PTPRO: variants seen among roughly 807,000 people sequenced by gnomAD.
The protein encoded by PTPRO is receptor-type tyrosine-protein phosphatase O.
A neutral mutation model predicts 145.2 loss-of-function variants in PTPRO; 62 were observed. The ratio of observed to expected loss-of-function variants is 0.43; its 90% CI spans 0.35 to 0.53. The LOEUF (loss-of-function observed/expected upper bound fraction) is 0.53, where lower values mean the gene tolerates loss of function less well. Ranked by LOEUF, PTPRO falls within the 20% of genes least tolerant of loss-of-function variation. The pLI, the probability that PTPRO is intolerant of heterozygous loss-of-function variation, is 0.01. For missense variants in PTPRO, 1,345 were observed against 1,482.7 expected (o/e 0.91, Z 1.53); for synonymous variants, 565 against 514.7 (o/e 1.10, Z -1.32).
chr12:15,535,787 T>C (rs894298694), intron 12 of PTPRO, among the ~76,000 whole-genome samples: 3 of 152,242 alleles, frequency 2.0e-5, no homozygotes, highest in African/African-American at 7.2e-5. Flanking sequence ...TGACTTTCCG[T>C]TCCTCTTTGG....
intron 1 of PTPRO, among the ~76,000 whole-genome samples, chr12:15,414,414 T>C (rs1939887430): frequency 6.6e-6 from 1 of 152,238 alleles, no homozygotes; most frequent in Non-Finnish European, 1.5e-5. Context: ...CACAAATGTT[T>C]ATTAGTCAAT....
chr12:15,351,776 A>G (rs1231840849), intron 1 of PTPRO, among the ~76,000 whole-genome samples: 1 of 152,194 alleles, frequency 6.6e-6, no homozygotes, highest in Non-Finnish European at 1.5e-5. Flanking sequence ...CTGGTAACCT[A>G]TAGGGATTTA....
chr12:15,524,278 G>T (rs1227864480), intron 10 of PTPRO, among the ~76,000 whole-genome samples: 1 of 151,230 alleles, frequency 6.6e-6, no homozygotes, highest in Non-Finnish European at 1.5e-5. Flanking sequence ...CAAAAATAAT[G>T]TCTTGTTATT....
intron 1 of PTPRO, among the ~76,000 whole-genome samples, chr12:15,476,640 C>T (rs1414892536): frequency 6.6e-6 from 1 of 151,664 alleles, no homozygotes; most frequent in East Asian, 1.9e-4. Flanking sequence ...AGTCCTTGCC[C>T]ACGCCTATGT....
chr12:15,322,916 G>A lies in PTPRO; in HGVS notation c.75+115G>A. ...CCAGGGCACGATGGCCCAGCCGCGG[G>A]AAGCGCCTGCCGTGCAGCCTGGGCG... On this transcript the variant is annotated intron_variant, in intron 1 of 26. Coordinates refer to ENST00000281171, the MANE Select transcript of PTPRO (RefSeq NM_030667.3). The surrounding 1 kb of genome is among the most constrained non-coding windows in gnomAD (Gnocchi z 6.3). The A allele has an allele frequency of 9.7e-7, 1 of 1,034,304 alleles. No homozygotes were observed. Among genetic ancestry groups the A allele is most frequent in the South Asian group, 1.6e-5 (1 of 63,908 alleles). The allele number at this position is 1,034,304 out of a possible 1,614,324, so 64.1% of individuals were successfully genotyped here. A position where few individuals can be genotyped will look rare whatever the true frequency, so the allele number is the denominator to read the frequency against.
intron 1 of PTPRO, among the ~76,000 whole-genome samples, chr12:15,353,199 C>G (rs1054929719): frequency 6.6e-6 from 1 of 152,114 alleles, no homozygotes; most frequent in African/African-American, 2.4e-5. Flanking sequence ...CATACACCCA[C>G]CTACCCACTC....
intron 1 of PTPRO, among the ~76,000 whole-genome samples, chr12:15,427,781 G>A (rs913774809): frequency 3.3e-5 from 5 of 151,042 alleles, no homozygotes; most frequent in African/African-American, 1.2e-4. Context: ...TTGATCTTAG[G>A]TTATTTCTTT....
chr12:15,432,127 A>G (rs1237134623), intron 1 of PTPRO, among the ~76,000 whole-genome samples: 4 of 151,830 alleles, frequency 2.6e-5, no homozygotes, highest in African/African-American at 9.7e-5. Context: ...CCCATTTGTT[A>G]TTTTTCCTGA....
intron 18 of PTPRO, among the ~76,000 whole-genome samples, chr12:15,567,493 G>A (rs1345338498): frequency 6.6e-6 from 1 of 151,432 alleles, no homozygotes; most frequent in African/African-American, 2.4e-5. Context: ...TCTTCTGTTT[G>A]CTATTCCTTC....
chr12:15,376,510 T>C (rs1393812195), intron 1 of PTPRO, among the ~76,000 whole-genome samples: 1 of 152,210 alleles, frequency 6.6e-6, no homozygotes, highest in Non-Finnish European at 1.5e-5. Context: ...ATTCACGTGA[T>C]GAAATACAGA....
intron 1 of PTPRO, among the ~76,000 whole-genome samples, chr12:15,467,633 A>C (rs1329765106): frequency 6.6e-6 from 1 of 152,144 alleles, no homozygotes; most frequent in Non-Finnish European, 1.5e-5. Flanking sequence ...AACCAGAGGG[A>C]CCTTCCTGCC....
At chr12:15,462,188 A>G (rs253808) in intron 1 of PTPRO, among the ~76,000 whole-genome samples, 140,808 of 152,100 alleles carry the variant, frequency 0.93, 65,970 homozygotes, top group East Asian at 1. Context: ...GCAATGGTGC[A>G]ATCTTGGCTC....
chr12:15,406,082 C>T (rs1438492599), intron 1 of PTPRO, among the ~76,000 whole-genome samples: 1 of 151,996 alleles, frequency 6.6e-6, no homozygotes, highest in South Asian at 2.1e-4. Flanking sequence ...TGTCTTTGGC[C>T]TACCATCCCA....
chr12:15,385,606 G>A (rs1938998876), intron 1 of PTPRO, among the ~76,000 whole-genome samples: 1 of 152,104 alleles, frequency 6.6e-6, no homozygotes, highest in African/African-American at 2.4e-5. Flanking sequence ...GAGGTCAGGA[G>A]ATCGAGACCA....
chr12:15,482,082 A>G (rs1941789738), intron 1 of PTPRO, among the ~76,000 whole-genome samples: 1 of 152,122 alleles, frequency 6.6e-6, no homozygotes. Context: ...TACTCTTCAC[A>G]GGAGGCAAGA....
intron 2 of PTPRO, among the ~76,000 whole-genome samples, chr12:15,485,852 G>A (rs1941875011): frequency 6.6e-6 from 1 of 152,114 alleles, no homozygotes; most frequent in Non-Finnish European, 1.5e-5. Flanking sequence ...CAAGTGTGTT[G>A]AATATCCAAA....
intron 1 of PTPRO, among the ~76,000 whole-genome samples, chr12:15,350,232 C>T (rs1937755136): frequency 6.6e-6 from 1 of 152,158 alleles, no homozygotes. Context: ...CAGCCTAACA[C>T]CAACGCTGAC....
intron 6 of PTPRO, among the ~76,000 whole-genome samples, chr12:15,507,095 G>A (rs1942335591): frequency 6.6e-6 from 1 of 152,050 alleles, no homozygotes; most frequent in Non-Finnish European, 1.5e-5. Context: ...TTTAATAAAA[G>A]TACTTATTTC....
intron 1 of PTPRO, among the ~76,000 whole-genome samples, chr12:15,338,210 T>C (rs1294670238): frequency 1.3e-5 from 2 of 152,216 alleles, no homozygotes; most frequent in Non-Finnish European, 1.5e-5. Flanking sequence ...CAACTTCGTA[T>C]AAATCTGTAG....
Sources: allele counts gnomAD v4.1 joint callset (sites outside exome capture counted in the v4.1 genomes callset), GRCh38; gene constraint gnomAD v4.1.1; non-coding constraint Gnocchi (gnomAD v3.1); transcripts MANE v1.5; gene names NCBI Gene and HGNC (gene_info 2026-07-23, HGNC 2026-07-21).